Variants in GSN observed in about 807,000 individuals in gnomAD.
GSN encodes the protein actin-depolymerizing factor.
A neutral mutation model predicts 85.7 loss-of-function variants in GSN; 56 were observed. That is an observed-to-expected ratio of 0.65 (90% confidence interval 0.53 to 0.82). The LOEUF is 0.82. Ranked by LOEUF, GSN falls within the 40% of genes least tolerant of loss-of-function variation. The probability of loss-of-function intolerance (pLI) is 0.00; values close to 1 mark genes in which losing one functional copy is unlikely to be tolerated. For synonymous variants in GSN, 373 were observed against 399.1 expected (o/e 0.93, Z 0.78); for missense variants, 857 against 979.8 (o/e 0.87, Z 1.67).
intron 6 of GSN, among the ~76,000 whole-genome samples, chr9:121,260,071 G>A (rs955433558): frequency 5.3e-5 from 8 of 152,222 alleles, no homozygotes; most frequent in Non-Finnish European, 1.2e-4. Context: ...GAAGCTGAGC[G>A]TGAGTCTGGA....
intron 6 of GSN, 32 bp from the exon 7 acceptor site, chr9:121,313,902 A>C (rs1589083783): frequency 6.5e-7 from 1 of 1,549,870 alleles, no homozygotes; most frequent in Non-Finnish European, 8.9e-7. Flanking sequence ...CCTCACAGCC[A>C]CCCTTCCTCT....
intron 17 of GSN, 24 bp downstream of exon 17, chr9:121,331,472 C>CGGGGGGGGGGGGGGGG (rs1589264097): frequency 1.4e-6 from 2 of 1,387,658 alleles, no homozygotes; most frequent in Non-Finnish European, 2.0e-6. Flanking sequence ...TGCCTGGGGG[C>CGGGGGGGGGGGGGGGG]GGGGGGAGGG....
chr9:121,315,403 GCACTAGGGCAAGTTC>G (rs1321400950), intron 7 of GSN, among the ~76,000 whole-genome samples: 5 of 152,164 alleles, frequency 3.3e-5, no homozygotes, highest in Non-Finnish European at 2.9e-5. Flanking sequence ...GTACAGCATA[GCACTAGGGCAAGTTC>G]CTAGACAAGG....
At chr9:121,241,781 T>C (rs2054610155) in intron 5 of GSN, among the ~76,000 whole-genome samples, 1 of 152,224 alleles carries the variant, frequency 6.6e-6, no homozygotes, top group Non-Finnish European at 1.5e-5. Context: ...ATTTGATTCC[T>C]GTGAAGGAGA....
intron 7 of GSN, among the ~76,000 whole-genome samples, chr9:121,316,719 C>T (rs1352458060): frequency 2.6e-5 from 4 of 152,234 alleles, no homozygotes; most frequent in African/African-American, 9.6e-5. Flanking sequence ...CATCCACCCA[C>T]CTGGGCCTCC....
Position 121,210,330 on chromosome 9 carries a change from G to A in GSN, c.-612+1G>A, listed in dbSNP as rs896933299. 6.6e-6 allele frequency: 1 copy of A among 152,218 alleles called. No homozygotes were observed. The highest frequency in any genetic ancestry group is 2.4e-5 in the African/African-American group (1 of 41,454). 9.4% of individuals were successfully genotyped at this position (152,218 alleles called of 1,614,324 possible). ...TCACGGCGGAGGGAAAAGAGACCTG[G>A]TGAGTGACGTGCTAAGTCTTCAAGC... On this transcript the variant is annotated splice_donor_variant, in intron 3 of 24. Coordinates refer to the GSN transcript ENST00000373823. LOFTEE classifies it low-confidence loss of function (5UTR_SPLICE).
At chr9:121,307,325 A>G (rs766901913) in intron 4 of GSN, among the ~76,000 whole-genome samples, 16 of 152,252 alleles carry the variant, frequency 1.1e-4, no homozygotes, top group Non-Finnish European at 2.2e-4. Flanking sequence ...CAAGTAAAAT[A>G]TTTAGAGGGG....
At chr9:121,271,218 C>T (rs967244029) in intron 1 of GSN, among the ~76,000 whole-genome samples, 1 of 152,094 alleles carries the variant, frequency 6.6e-6, no homozygotes, top group African/African-American at 2.4e-5. Flanking sequence ...AAAATACGTG[C>T]TGGGATGCTC....
intron 1 of GSN, among the ~76,000 whole-genome samples, chr9:121,271,808 A>T (rs752928102): frequency 6.6e-6 from 1 of 152,182 alleles, no homozygotes; most frequent in Non-Finnish European, 1.5e-5. Context: ...CCTCCATTTC[A>T]GGGAATCCAG....
intron 2 of GSN, among the ~76,000 whole-genome samples, chr9:121,293,917 G>A (rs780885001): frequency 3.9e-5 from 6 of 152,012 alleles, no homozygotes; most frequent in South Asian, 2.1e-4. Flanking sequence ...TATAATCCCC[G>A]TTTTATAGAT....
chr9:121,309,207 C>T (rs993925633), intron 4 of GSN: 2 of 152,304 alleles, frequency 1.3e-5, no homozygotes, highest in Non-Finnish European at 2.9e-5. Context: ...AAGGACCTTT[C>T]CAACTCTGAT....
intron 5 of GSN, among the ~76,000 whole-genome samples, chr9:121,232,897 C>T (rs184933181): frequency 6.6e-6 from 1 of 152,310 alleles, no homozygotes; most frequent in East Asian, 1.9e-4. Context: ...ATGGCACTCT[C>T]AGCTTACAAT....
chr9:121,211,836 C>CA (rs1019751869), intron 4 of GSN, among the ~76,000 whole-genome samples: 3 of 152,040 alleles, frequency 2.0e-5, no homozygotes, highest in African/African-American at 7.2e-5. Flanking sequence ...AAACCCATAG[C>CA]AAAAAAATAT....
At chr9:121,281,781 C>A (rs141060811) in intron 2 of GSN, 2 of 471,000 alleles carry the variant, frequency 4.2e-6, no homozygotes, top group Admixed American at 4.7e-5. Flanking sequence ...GGGAGGAGGC[C>A]GGGACTGGGC....
intron 4 of GSN, among the ~76,000 whole-genome samples, chr9:121,219,565 G>T (rs1237571806): frequency 6.6e-6 from 1 of 152,130 alleles, no homozygotes; most frequent in Non-Finnish European, 1.5e-5. Context: ...GAAAAACCAG[G>T]GTGTGGGTCA....
At chr9:121,230,107 G>A (rs2054358153) in intron 4 of GSN, among the ~76,000 whole-genome samples, 1 of 152,192 alleles carries the variant, frequency 6.6e-6, no homozygotes, top group African/African-American at 2.4e-5. Context: ...ATTGTCTCAT[G>A]TTTGTCCAGT....
At chr9:121,301,554 A>T (rs540242768) in intron 2 of GSN, among the ~76,000 whole-genome samples, 62 of 149,072 alleles carry the variant, frequency 4.2e-4, no homozygotes, top group Non-Finnish European at 8.6e-4. Context: ...TGAACCCAGG[A>T]GGCAGAGGTT....
At chr9:121,232,105 C>T (rs1588444988) in intron 5 of GSN, among the ~76,000 whole-genome samples, 2 of 152,070 alleles carry the variant, frequency 1.3e-5, no homozygotes, top group Admixed American at 1.3e-4. Context: ...GCAGCTATTC[C>T]AGATTAATAT....
chr9:121,325,279 T>A (rs1433624443), intron 12 of GSN, among the ~76,000 whole-genome samples: 2 of 152,198 alleles, frequency 1.3e-5, no homozygotes, highest in African/African-American at 4.8e-5. Flanking sequence ...AGCCCACCCC[T>A]GTCCCAGGAG....
Sources: allele counts gnomAD v4.1 joint callset (sites outside exome capture counted in the v4.1 genomes callset), GRCh38; gene constraint gnomAD v4.1.1; transcripts MANE v1.5; gene names NCBI Gene and HGNC (gene_info 2026-07-23, HGNC 2026-07-21).